The following ATP10B variants were observed in gnomAD, a reference collection of about 807,000 sequenced individuals.
The protein encoded by ATP10B is ATPase phospholipid transporting 10B (putative), also known as phospholipid-transporting ATPase VB.
Under a neutral mutation model 141.2 loss-of-function variants are expected in ATP10B, and 122 were observed. That is an observed-to-expected ratio of 0.86 (90% CI 0.75 to 1.00). The LOEUF (loss-of-function observed/expected upper bound fraction) is 1.00, where lower values mean the gene tolerates loss of function less well. ATP10B is among the 50% of genes least tolerant of loss of function. The probability of loss-of-function intolerance (pLI) is 0.00; values close to 1 mark genes in which losing one functional copy is unlikely to be tolerated. For missense variants in ATP10B, 1,876 were observed against 1,825.3 expected (o/e 1.03, Z -0.51); for synonymous variants, 685 against 692.0 (o/e 0.99, Z 0.16).
chr5:160,737,593 C>G (rs1051739446), intron 2 of ATP10B, among the ~76,000 whole-genome samples: 1 of 152,030 alleles, frequency 6.6e-6, no homozygotes, highest in Admixed American at 6.6e-5. Flanking sequence ...AGTAGCATTT[C>G]TATATGACAA....
chr5:160,626,223 T>C (rs1758605743), intron 13 of ATP10B, among the ~76,000 whole-genome samples: 1 of 152,252 alleles, frequency 6.6e-6, no homozygotes, highest in Admixed American at 6.5e-5. Context: ...GTAAGAGCTT[T>C]GTGGCAGGCA....
At chr5:160,619,729 G>C (rs1353223407) in intron 15 of ATP10B, among the ~76,000 whole-genome samples, 1 of 152,174 alleles carries the variant, frequency 6.6e-6, no homozygotes, top group Non-Finnish European at 1.5e-5. Flanking sequence ...ACACTGATAT[G>C]TAGGGACTTT....
intron 6 of ATP10B, among the ~76,000 whole-genome samples, chr5:160,671,969 CTTTTTTT>C (rs70990741): frequency 1.5e-5 from 1 of 68,412 alleles, no homozygotes; most frequent in Non-Finnish European, 2.4e-5. Flanking sequence ...GCAATGCATC[CTTTTTTT>C]TTTTTTTTTT....
intron 13 of ATP10B, among the ~76,000 whole-genome samples, chr5:160,625,452 G>T (rs755602770): frequency 6.6e-6 from 1 of 152,176 alleles, no homozygotes; most frequent in Non-Finnish European, 1.5e-5. Context: ...ATGAGATGCT[G>T]TTAAATCTTA....
intron 11 of ATP10B, among the ~76,000 whole-genome samples, chr5:160,635,543 C>T (rs1392740814): frequency 2.6e-5 from 4 of 152,120 alleles, no homozygotes; most frequent in African/African-American, 9.7e-5. Flanking sequence ...AAAATAATCA[C>T]CAATAAGAGG....
chr5:160,870,691 T>A, the ATP10B span, among the ~76,000 whole-genome samples: 1 of 151,416 alleles, frequency 6.6e-6, no homozygotes, highest in Non-Finnish European at 1.5e-5. Context: ...CAAATTAATG[T>A]CAGACACAAA....
intron 6 of ATP10B, among the ~76,000 whole-genome samples, chr5:160,675,830 A>G (rs1240420617): frequency 6.8e-6 from 1 of 147,524 alleles, no homozygotes; most frequent in Non-Finnish European, 1.5e-5. Context: ...GGGCTCAGGG[A>G]AGCACCAGAA....
At chr5:160,601,464 C>T (rs569268116) in intron 21 of ATP10B, among the ~76,000 whole-genome samples, 3 of 152,236 alleles carry the variant, frequency 2.0e-5, no homozygotes, top group Admixed American at 6.5e-5. Flanking sequence ...CTTTTGTTCC[C>T]TCCATTAGCC....
intron 3 of ATP10B, among the ~76,000 whole-genome samples, chr5:160,705,788 C>A (rs917359166): frequency 6.6e-6 from 1 of 152,184 alleles, no homozygotes; most frequent in Non-Finnish European, 1.5e-5. Flanking sequence ...AGAACTTTTT[C>A]TTTGCATTCA....
chr5:160,814,038 C>T (rs983050433), intron 1 of ATP10B, among the ~76,000 whole-genome samples: 1 of 152,182 alleles, frequency 6.6e-6, no homozygotes, highest in Non-Finnish European at 1.5e-5. Context: ...GGGTAAAAAA[C>T]AGAGCAGAAA....
chr5:160,816,283 G>T (rs1195553789), intron 1 of ATP10B, among the ~76,000 whole-genome samples: 1 of 149,538 alleles, frequency 6.7e-6, no homozygotes, highest in Non-Finnish European at 1.5e-5. Context: ...AAAGAGAGAA[G>T]AATCAAATAG....
the ATP10B span, among the ~76,000 whole-genome samples, chr5:160,898,755 T>C: frequency 6.6e-6 from 1 of 152,076 alleles, no homozygotes; most frequent in Non-Finnish European, 1.5e-5. Flanking sequence ...CAAATGCCCA[T>C]CAATGACAGA....
At chr5:160,721,193 C>T (rs554818721) in intron 2 of ATP10B, among the ~76,000 whole-genome samples, 50 of 152,194 alleles carry the variant, frequency 3.3e-4, no homozygotes, top group Non-Finnish European at 6.6e-4. Context: ...GACCATGGTG[C>T]TCTGTCCGTA....
intron 22 of ATP10B, among the ~76,000 whole-genome samples, chr5:160,591,361 G>A (rs1188275981): frequency 1.3e-5 from 2 of 152,184 alleles, no homozygotes; most frequent in African/African-American, 4.8e-5. Flanking sequence ...CGGAGAACTA[G>A]TTTCTTCTTC....
the ATP10B span, among the ~76,000 whole-genome samples, chr5:160,877,937 C>T: frequency 1.3e-3 from 194 of 151,176 alleles, 1 homozygote; most frequent in Admixed American, 8.8e-3. Context: ...GAATCAATAT[C>T]GTGAAAATGG....
At chr5:160,833,191 T>C (rs1468966226) in intron 1 of ATP10B, among the ~76,000 whole-genome samples, 2 of 152,110 alleles carry the variant, frequency 1.3e-5, no homozygotes, top group African/African-American at 4.8e-5. Flanking sequence ...ACCTCAAAAG[T>C]TTATGGTTGT....
chr5:160,671,216 C>CTTATGAACA (rs985671286), intron 6 of ATP10B, among the ~76,000 whole-genome samples: 6 of 136,462 alleles, frequency 4.4e-5, no homozygotes, highest in African/African-American at 1.6e-4. Context: ...AAAATCTGTT[C>CTTATGAACA]TTATGAACAT....
At chr5:160,836,115 G>A (rs1163501182) in intron 1 of ATP10B, among the ~76,000 whole-genome samples, 1 of 151,950 alleles carries the variant, frequency 6.6e-6, no homozygotes, top group African/African-American at 2.4e-5. Flanking sequence ...GGGGAGGGAG[G>A]GAGGTAAATG....
upstream of ATP10B, among the ~76,000 whole-genome samples, chr5:160,853,996 C>T (rs189294788): frequency 3.3e-5 from 5 of 152,062 alleles, no homozygotes; most frequent in Admixed American, 1.3e-4. Flanking sequence ...GCTTTTCATT[C>T]CTGATTTTTA....
Sources: gnomAD v4.1 joint callset for allele counts (sites outside exome capture counted in the v4.1 genomes callset) on GRCh38, gnomAD v4.1.1 for gene constraint, MANE v1.5 for transcripts, NCBI Gene and HGNC (gene_info 2026-07-23, HGNC 2026-07-21) for gene names.